The following NPC1L1 variants were observed in gnomAD, a reference collection of about 807,000 sequenced individuals.
The protein encoded by NPC1L1 is NPC1-like intracellular cholesterol transporter 1.
A neutral mutation model predicts 117.0 loss-of-function variants in NPC1L1; 98 were observed. That is an observed-to-expected ratio of 0.84 (90% CI 0.71 to 0.99). The LOEUF (loss-of-function observed/expected upper bound fraction) is 0.99, where lower values mean the gene tolerates loss of function less well. Ranked by LOEUF, NPC1L1 falls within the 50% of genes least tolerant of loss-of-function variation. The pLI, the probability that NPC1L1 is intolerant of heterozygous loss-of-function variation, is 0.00. For synonymous variants in NPC1L1, 729 were observed against 727.6 expected, an observed-to-expected ratio of 1.00 and a Z score of -0.03; for missense variants, 1,540 against 1,710.0, an observed-to-expected ratio of 0.90 and a Z score of 1.75.
chr7:44,515,300 G>A (rs1801149899), intron 18 of NPC1L1, among the ~76,000 whole-genome samples: 1 of 152,140 alleles, frequency 6.6e-6, no homozygotes, highest in African/African-American at 2.4e-5. Context: ...GTGGCAGTGA[G>A]CTGTGATCAT....
intron 10 of NPC1L1, among the ~76,000 whole-genome samples, chr7:44,526,546 C>CAAAAAAAAAAAAAAAAA (rs372498105): frequency 1.6e-4 from 11 of 68,346 alleles, no homozygotes; most frequent in African/African-American, 5.6e-4. Context: ...GACTCCATCT[C>CAAAAAAAAAAAAAAAAA]AAAAAAAAAA....
chr7:44,522,224 A>G lies in NPC1L1; in HGVS notation c.2656T>C (p.Tyr886His). 6.2e-7 allele frequency: 1 copy of G among 1,613,560 alleles called. No homozygotes were observed. The highest frequency in any genetic ancestry group is 8.5e-7 in the Non-Finnish European group (1 of 1,179,830). Residue 886 changes from tyrosine (Y) to histidine (H), a missense_variant, in exon 11 of 19, where the codon TAT becomes CAT. Physicochemically the swap from Tyr to His is moderately conservative, Grantham distance 83 (BLOSUM62 2). Coordinates refer to ENST00000381160, the MANE Select transcript of NPC1L1 (RefSeq NM_001101648.2). ...ALPKDSYLLD[Y>H]FLFLNRYFEV... ...AAGTAGCGGTTCAGAAAGAGGAAAT[A>G]GTCAAGCAGGTACGAGTCCTAGGAG...
chr7:44,530,207 G>A (rs190509195), intron 10 of NPC1L1, among the ~76,000 whole-genome samples: 273 of 151,932 alleles, frequency 1.8e-3, no homozygotes, highest in African/African-American at 6.0e-3. Context: ...GCGTGGTGGC[G>A]GCCACCTGTA....
At position 44,536,739 on chromosome 7, in the gene NPC1L1, C is replaced by A. The variant is rs1801906967; in HGVS notation, c.1681+103G>T. 14 of 1,057,540 alleles carry A rather than the reference C, an allele frequency of 1.3e-5. No homozygotes were observed. Among genetic ancestry groups the A allele is most frequent in the Middle Eastern group, 2.0e-4 (1 of 5,072 alleles). 65.5% of individuals were successfully genotyped at this position (1,057,540 alleles called of 1,614,324 possible). ...ACAGCTTCCAGAAGCCAGGCTACCC[C>A]CAGGCCGCGAGAATCCCCAGCACCA... is the stretch of plus-strand genomic sequence containing the variant. On this transcript the variant is annotated intron_variant, in intron 3 of 18. Transcript: ENST00000381160. The surrounding 1 kb of genome is among the most constrained non-coding windows in gnomAD (Gnocchi z 4.7).
intron 2 of NPC1L1, among the ~76,000 whole-genome samples, chr7:44,537,870 G>C (rs1182367538): frequency 6.6e-6 from 1 of 152,184 alleles, no homozygotes; most frequent in African/African-American, 2.4e-5. Flanking sequence ...ATTTCCAAGA[G>C]AGAGCCCTTG....
chr7:44,521,860 G>C (rs1212212776), intron 11 of NPC1L1, 24 bp from the exon 12 acceptor site: 8 of 1,613,848 alleles, frequency 5.0e-6, no homozygotes, highest in Non-Finnish European at 5.9e-6. Context: ...GGGAGGAAGG[G>C]TGAAAAGGCC....
chr7:44,524,013 T>C (rs1801435937), intron 10 of NPC1L1, among the ~76,000 whole-genome samples: 1 of 152,204 alleles, frequency 6.6e-6, no homozygotes, highest in Non-Finnish European at 1.5e-5. Flanking sequence ...CACATCTTAC[T>C]AAAGTGACTT....
Position 44,535,866 on chromosome 7 carries a change from T to G in NPC1L1, c.1957A>C (p.Ser653Arg). The change falls in exon 5 of 19, where the codon AGC becomes CGC. Residue 653 changes from serine (S) to arginine (R), a missense_variant. Physicochemically the swap from Ser to Arg is moderately radical, Grantham distance 110 (BLOSUM62 -1). Transcript: ENST00000381160. ...IFLYISLALG[S>R]YSSWSRVMVD... ...ATCACTCGGCTCCAGCTGGAATAGC[T>G]GCCCAGGGCCAGAGAGATGTACAGG... The G allele has an allele frequency of 1.9e-6, 3 of 1,613,384 alleles. No individual in the cohort carries two copies. The highest frequency in any genetic ancestry group is 2.5e-6 in the Non-Finnish European group (3 of 1,180,006).
At chr7:44,527,185 A>G (rs1168158628) in intron 10 of NPC1L1, among the ~76,000 whole-genome samples, 2 of 152,040 alleles carry the variant, frequency 1.3e-5, no homozygotes, top group African/African-American at 4.8e-5. Flanking sequence ...CAGGCCAGGC[A>G]TGGTGGCTCA....
Position 44,534,024 on chromosome 7 carries a change from AG to A in NPC1L1, c.2167-172del, listed in dbSNP as rs1482117884. 1.3e-5 allele frequency among the ~76,000 whole-genome samples: 2 copies of A among 152,120 alleles called. No homozygotes were observed. Among genetic ancestry groups the A allele is most frequent in the East Asian group, 3.9e-4 (2 of 5,168 alleles). On this transcript the variant is annotated intron_variant, in intron 6 of 18. Transcript: ENST00000381160. This position sits in a 1 kb window ranked among gnomAD's most constrained non-coding sequence, Gnocchi z 5.2. ...TCTCCATGGCCAATATTCTTCTTCCAGGGTCTGGCTGGGAGAAATGGTTGGT... is the reference window on the plus strand; with the variant it reads ...TCTCCATGGCCAATATTCTTCTTCCAGGTCTGGCTGGGAGAAATGGTTGGT...
Position 44,517,141 on chromosome 7 carries a change from A to C in NPC1L1, c.3287+66T>G, listed in dbSNP as rs1585127373. 3.1e-6 allele frequency: 5 copies of C among 1,606,058 alleles called. No individual in the cohort carries two copies. In the East Asian group the frequency reaches 1.1e-4, roughly 36 times the overall value. The stretch of plus-strand genomic sequence containing the variant: ...TCATGCAACTCCTTGCAAGCCCTCC[A>C]CCCTAACCTCCAGTCTCCAGCAACC... On this transcript the variant is annotated intron_variant, in intron 15 of 18. Transcript: ENST00000381160.
intron 1 of NPC1L1, 37 bp from the exon 2 acceptor site, chr7:44,540,379 A>G (rs1802062027): frequency 8.2e-6 from 13 of 1,590,304 alleles, no homozygotes; most frequent in Non-Finnish European, 9.4e-6. Context: ...GGGCCCTGAC[A>G]CAGCTGGGTG....
At chr7:44,522,679 C>T (rs1360944010) in intron 10 of NPC1L1, among the ~76,000 whole-genome samples, 1 of 151,518 alleles carries the variant, frequency 6.6e-6, no homozygotes, top group Non-Finnish European at 1.5e-5. Context: ...CTCCAAGGTT[C>T]ACAGAATAGG....
rs1324970556 is a variant in NPC1L1 at position 44,521,182 on chromosome 7, C to T, written c.2954-64G>A. On this transcript the variant is annotated intron_variant, in intron 12 of 18. Transcript: ENST00000381160. ...GGCCAGCAGCTCCTGCTTTGTGCCC[C>T]TCCTTCCCCAACAATCCCATCAAAG... The T allele has an allele frequency of 3.1e-6, 5 of 1,609,712 alleles. No homozygotes were observed. In the South Asian group the frequency reaches 4.4e-5, roughly 14 times the overall value.
intron 16 of NPC1L1, 129 bp from the exon 17 acceptor site, chr7:44,516,326 G>A (rs998321826): frequency 1.5e-5 from 12 of 823,850 alleles, no homozygotes; most frequent in African/African-American, 1.4e-4. Flanking sequence ...GTATTTGGCC[G>A]GGTGCAGTGG....
chr7:44,518,659 A>T, intron 14 of NPC1L1: 1 of 1,169,860 alleles, frequency 8.5e-7, no homozygotes, highest in Non-Finnish European at 1.1e-6. Context: ...ACAGAATGGC[A>T]ACTGTGTCTC....
intron 1 of NPC1L1, 34 bp downstream of exon 1, chr7:44,541,172 C>T (rs1202245626): frequency 1.2e-5 from 18 of 1,548,406 alleles, no homozygotes; most frequent in Non-Finnish European, 1.5e-5. Flanking sequence ...AACTGGAGGC[C>T]GCAGGGGAGG....
Position 44,536,242 on chromosome 7 carries a change from C to A in NPC1L1, c.1854+14G>T, listed in dbSNP as rs746423264. 2 of 1,612,858 alleles carry A rather than the reference C, an allele frequency of 1.2e-6. No individual in the cohort carries two copies. Among genetic ancestry groups the A allele is most frequent in the Non-Finnish European group, 1.7e-6 (2 of 1,179,962 alleles). ...GGGTTGCACCCCCAGAGCCAGGGAC[C>A]CTGCAGCCCCTACCTCAGCCATGAA... is the stretch of plus-strand genomic sequence containing the variant. On this transcript the variant is annotated intron_variant, in intron 4 of 18. Coordinates refer to ENST00000381160, the MANE Select transcript of NPC1L1 (RefSeq NM_001101648.2). The surrounding 1 kb of genome is among the most constrained non-coding windows in gnomAD (Gnocchi z 4.7).
intron 10 of NPC1L1, among the ~76,000 whole-genome samples, chr7:44,526,904 A>T (rs1349478164): frequency 2.6e-5 from 4 of 151,984 alleles, no homozygotes; most frequent in Non-Finnish European, 5.9e-5. Flanking sequence ...TGCACCTGTA[A>T]TCTCAGCTAC....
Sources: allele counts gnomAD v4.1 joint callset (sites outside exome capture counted in the v4.1 genomes callset), GRCh38; gene constraint gnomAD v4.1.1; non-coding constraint Gnocchi (gnomAD v3.1); transcripts MANE v1.5; gene names NCBI Gene and HGNC (gene_info 2026-07-23, HGNC 2026-07-21).